The following OSTF1 variants were observed in gnomAD, a reference collection of about 807,000 sequenced individuals.
OSTF1 encodes osteoclast stimulating factor 1.
OSTF1 carries 27 observed loss-of-function variants against 37.2 expected under a neutral mutation model. That is an observed-to-expected ratio of 0.73 (90% CI 0.54 to 1.00). OSTF1 has a LOEUF of 1.00. Among genes scored for constraint, OSTF1 ranks in the 50% least tolerant of loss-of-function variants. The pLI is 0.00. For missense variants in OSTF1, 232 were observed against 253.8 expected, an observed-to-expected ratio of 0.91 and a Z score of 0.58; for synonymous variants, 82 against 89.2, an observed-to-expected ratio of 0.92 and a Z score of 0.46.
At chr9:75,115,981 G>A (rs182152884) in intron 1 of OSTF1, among the ~76,000 whole-genome samples, 105 of 152,110 alleles carry the variant, frequency 6.9e-4, no homozygotes, top group African/African-American at 8.9e-4. Flanking sequence ...GCAGGTGCCC[G>A]TAGTCCCAGT....
chr9:75,093,040 T>TTCTC lies in OSTF1; in HGVS notation c.34+4324_34+4327dup, dbSNP rs35457828. On this transcript the variant is annotated intron_variant, in intron 1 of 9. Transcript: ENST00000346234. Reference sequence around the variant, plus strand: ...TATGATACCCTCTTTCTTTCTTTCTTTCTCTCTCTCTCTTTCTTTCTTTCT... The same window carrying TTCTC: ...TATGATACCCTCTTTCTTTCTTTCTTTCTCTCTCTCTCTCTCTTTCTTTCTTTCT... 3.5e-3 allele frequency among the ~76,000 whole-genome samples: 503 copies of TTCTC among 145,538 alleles called. 5 individuals carry two copies. Among genetic ancestry groups the TTCTC allele is most frequent in the African/African-American group, 0.013 (485 of 38,474 alleles).
intron 1 of OSTF1, among the ~76,000 whole-genome samples, chr9:75,116,703 T>G (rs894548550): frequency 6.6e-6 from 1 of 150,958 alleles, no homozygotes; most frequent in African/African-American, 2.4e-5. Flanking sequence ...CAGTGTAGAT[T>G]ATCACATTAA....
intron 1 of OSTF1, among the ~76,000 whole-genome samples, chr9:75,112,959 T>C (rs1825418097): frequency 6.6e-6 from 1 of 152,164 alleles, no homozygotes. Flanking sequence ...CAGAAAATAC[T>C]GTATTTCTCC....
At chr9:75,131,904 C>A in intron 5 of OSTF1, 81 bp downstream of exon 5, 3 of 954,426 alleles carry the variant, frequency 3.1e-6, no homozygotes, top group East Asian at 2.5e-5. Flanking sequence ...GTGCATACAC[C>A]CACGTAACCA....
chr9:75,095,374 GTGCT>G (rs1825057229), intron 1 of OSTF1, among the ~76,000 whole-genome samples: 1 of 152,174 alleles, frequency 6.6e-6, no homozygotes, highest in African/African-American at 2.4e-5. Context: ...AAAAATCTCA[GTGCT>G]TGTGATAGGA....
chr9:75,128,398 A>G (rs865966653), intron 3 of OSTF1, among the ~76,000 whole-genome samples: 1 of 91,532 alleles, frequency 1.1e-5, no homozygotes. Context: ...ATATATATAT[A>G]TATATATATT....
intron 1 of OSTF1, 148 bp from the exon 2 acceptor site, chr9:75,117,356 C>G (rs142992031): frequency 1.2e-4 from 69 of 589,286 alleles, no homozygotes; most frequent in African/African-American, 1.2e-3. Flanking sequence ...CTTCCTTTCT[C>G]TCTACCCTTT....
At position 75,143,486 on chromosome 9, in the gene OSTF1, G is replaced by C. The variant is rs1371529361; in HGVS notation, c.586+2554G>C. On this transcript the variant is annotated intron_variant, in intron 9 of 9. Transcript: ENST00000346234. The stretch of plus-strand genomic sequence containing the variant: ...TCCCACACGCCACATGCCTCCCTCA[G>C]TGTCTTCTGCTTCTCTCACCATAGA... 2.0e-5 allele frequency among the ~76,000 whole-genome samples: 3 copies of C among 152,142 alleles called. No individual in the cohort carries two copies. In the East Asian group the frequency reaches 5.8e-4, roughly 29 times the overall value.
chr9:75,117,587 A>G, intron 2 of OSTF1, 37 bp downstream of exon 2: 2 of 1,427,286 alleles, frequency 1.4e-6, no homozygotes, highest in Non-Finnish European at 2.0e-6. Context: ...AATTGACAGA[A>G]AAACCTAAGA....
rs1825579782 is a variant in OSTF1, at chr9:75,121,493, C to A, written c.81+3943C>A. Reference sequence around the variant, plus strand: ...GATTATAGGCTACAGTCAGTAATGACCACTTCAAGCCCTGTTGCCTCTATA... The same window carrying A: ...GATTATAGGCTACAGTCAGTAATGAACACTTCAAGCCCTGTTGCCTCTATA... On this transcript the variant is annotated intron_variant, in intron 2 of 9. Transcript: ENST00000346234. Among the ~76,000 whole-genome samples the A allele has an allele frequency of 2.0e-5, 3 of 152,084 alleles. No homozygotes were observed. In the South Asian group the frequency reaches 6.2e-4, roughly 32 times the overall value.
chr9:75,146,745 C>T lies in OSTF1; in HGVS notation c.*4C>T, dbSNP rs371298972. 1 of 1,594,220 alleles carries T rather than the reference C, an allele frequency of 6.3e-7. No homozygotes were observed. Among genetic ancestry groups the T allele is most frequent in the Non-Finnish European group, 8.6e-7 (1 of 1,166,354 alleles). On this transcript the variant is annotated 3_prime_UTR_variant, in exon 10 of 10. Coordinates refer to ENST00000346234, the MANE Select transcript of OSTF1 (RefSeq NM_012383.5). ...CGATGATGAAGACTCAGATTAATTC[C>T]TTTCTGGAGCTTTGAGATCTAAAAC...
intron 1 of OSTF1, among the ~76,000 whole-genome samples, chr9:75,101,844 T>G (rs763525564): frequency 1.3e-5 from 2 of 152,250 alleles, no homozygotes; most frequent in African/African-American, 2.4e-5. Context: ...GTGTATATCC[T>G]GGTCTCTGTA....
chr9:75,099,491 G>C (rs1405928199), intron 1 of OSTF1, among the ~76,000 whole-genome samples: 1 of 152,050 alleles, frequency 6.6e-6, no homozygotes, highest in Non-Finnish European at 1.5e-5. Context: ...TCCATAGTGG[G>C]ACCTCCTGGG....
At chr9:75,091,272 G>A (rs1485124379) in intron 1 of OSTF1, among the ~76,000 whole-genome samples, 2 of 151,618 alleles carry the variant, frequency 1.3e-5, no homozygotes, top group Non-Finnish European at 2.9e-5. Flanking sequence ...TGTATTTTTA[G>A]TAGAGACAGG....
intron 7 of OSTF1, among the ~76,000 whole-genome samples, chr9:75,136,499 T>G (rs1272174726): frequency 6.6e-6 from 1 of 152,100 alleles, no homozygotes; most frequent in Admixed American, 6.5e-5. Context: ...TTCAAGCTAT[T>G]CTCCTGCCTC....
intron 7 of OSTF1, 123 bp downstream of exon 7, chr9:75,134,518 A>G: frequency 1.7e-6 from 1 of 575,474 alleles, no homozygotes; most frequent in Admixed American, 3.8e-5. Context: ...TAAAAATTAT[A>G]ATTGTACTAA....
At chr9:75,106,885 C>T (rs748819093) in intron 1 of OSTF1, among the ~76,000 whole-genome samples, 5 of 146,484 alleles carry the variant, frequency 3.4e-5, no homozygotes, top group East Asian at 2.0e-4. Flanking sequence ...ACCTGGGACG[C>T]GGAGGTTGCA....
intron 8 of OSTF1, 128 bp downstream of exon 8, chr9:75,137,744 C>A: frequency 4.7e-6 from 3 of 639,368 alleles, no homozygotes; most frequent in Non-Finnish European, 8.5e-6. Flanking sequence ...CTTTGCTCTG[C>A]CTGTGTATCA....
intron 1 of OSTF1, among the ~76,000 whole-genome samples, chr9:75,094,265 G>A (rs116537116): frequency 9.1e-4 from 139 of 152,204 alleles, no homozygotes; most frequent in African/African-American, 3.2e-3. Flanking sequence ...ATTAAACTAT[G>A]CACTTTTTGA....
Sources: gnomAD v4.1 joint callset for allele counts (sites outside exome capture counted in the v4.1 genomes callset) on GRCh38, gnomAD v4.1.1 for gene constraint, MANE v1.5 for transcripts, NCBI Gene and HGNC (gene_info 2026-07-23, HGNC 2026-07-21) for gene names.